The following RCC1 variants were observed in gnomAD, a reference collection of about 807,000 sequenced individuals.
The protein encoded by RCC1 is regulator of chromosome condensation.
RCC1 carries 11 observed loss-of-function variants against 44.4 expected under a neutral mutation model. That is an observed-to-expected ratio of 0.25 (90% CI 0.16 to 0.41). The LOEUF is 0.41. Ranked by LOEUF, RCC1 falls within the 10% of genes least tolerant of loss-of-function variation. The pLI is 1.00. For missense variants in RCC1, 386 were observed against 547.1 expected (o/e 0.71, Z 2.94); for synonymous variants, 213 against 216.5 (o/e 0.98, Z 0.14).
chr1:28,532,047 G>T, intron 6 of RCC1, 57 bp downstream of exon 6: 1 of 1,555,748 alleles, frequency 6.4e-7, no homozygotes, highest in South Asian at 1.2e-5. Context: ...GTGGCTTGGG[G>T]CAGGGCTTTT....
chr1:28,514,124 G>T (rs1189062059), intron 3 of RCC1, among the ~76,000 whole-genome samples: 1 of 151,096 alleles, frequency 6.6e-6, no homozygotes, highest in Non-Finnish European at 1.5e-5. Context: ...CTGAGATCGT[G>T]CCAGCCTAGG....
intron 4 of RCC1, chr1:28,526,984 G>A: frequency 3.5e-6 from 3 of 859,992 alleles, no homozygotes; most frequent in Non-Finnish European, 6.1e-6. Flanking sequence ...TTAGGTCTTT[G>A]AACTCTCCAT....
At chr1:28,509,410 T>G (rs1298250162) in intron 3 of RCC1, 1 of 158,650 alleles carries the variant, frequency 6.3e-6, no homozygotes, top group African/African-American at 2.4e-5. Context: ...CCTGGCTAAT[T>G]TTTGTATTTT....
At chr1:28,512,957 G>A (rs1412353750) in intron 3 of RCC1, among the ~76,000 whole-genome samples, 1 of 152,000 alleles carries the variant, frequency 6.6e-6, no homozygotes, top group Non-Finnish European at 1.5e-5. Flanking sequence ...ACCATGCCCT[G>A]CTAATTTTTT....
intron 4 of RCC1, among the ~76,000 whole-genome samples, chr1:28,520,760 A>G (rs1663217234): frequency 6.6e-6 from 1 of 152,166 alleles, no homozygotes; most frequent in African/African-American, 2.4e-5. Context: ...TTCCCAGCCC[A>G]GACACTCACT....
Position 28,536,250 on chromosome 1 carries a change from C to T in RCC1, c.818-12C>T. 6.2e-7 allele frequency: 1 copy of T among 1,613,318 alleles called. No individual in the cohort carries two copies. Among genetic ancestry groups the T allele is most frequent in the Non-Finnish European group, 8.5e-7 (1 of 1,179,550 alleles). On this transcript the variant is annotated splice_polypyrimidine_tract_variant and intron_variant, in intron 10 of 12. Coordinates refer to ENST00000683442, the MANE Select transcript of RCC1 (RefSeq NM_001381865.2). The surrounding 1 kb of genome is among the most constrained non-coding windows in gnomAD (Gnocchi z 4.9). The stretch of plus-strand genomic sequence containing the variant: ...ACACCTTCACCCCTGATGGCTCCGG[C>T]CTTTCCCCCAGGAACTCCGGGCACA...
chr1:28,533,168 C>T (rs1434778798), intron 7 of RCC1, among the ~76,000 whole-genome samples: 3 of 152,064 alleles, frequency 2.0e-5, no homozygotes, highest in Non-Finnish European at 4.4e-5. Flanking sequence ...GAATTTCAAA[C>T]ACATGAAAGT....
chr1:28,506,356 T>G (rs779097106), intron 1 of RCC1: 6 of 398,166 alleles, frequency 1.5e-5, no homozygotes, highest in South Asian at 1.1e-4. Flanking sequence ...GGCCAATTTT[T>G]GTATTCTTAG....
In RCC1 at chr1:28,536,203, A is replaced by G; in HGVS notation, c.818-59A>G. 1 of 1,594,072 alleles carries G rather than the reference A, an allele frequency of 6.3e-7. No homozygotes were observed. The highest frequency in any genetic ancestry group is 8.5e-7 in the Non-Finnish European group (1 of 1,170,476). ...GGAGGTGGCCTCACTGTGGGAGGAGATTGAGAAGGGCAGCTCTCAGAACAC... is the reference window on the plus strand; with the variant it reads ...GGAGGTGGCCTCACTGTGGGAGGAGGTTGAGAAGGGCAGCTCTCAGAACAC... On this transcript the variant is annotated intron_variant, in intron 10 of 12. Transcript: ENST00000683442. The surrounding 1 kb of genome is among the most constrained non-coding windows in gnomAD (Gnocchi z 4.9).
intron 4 of RCC1, among the ~76,000 whole-genome samples, chr1:28,521,896 TG>T (rs1201498407): frequency 6.6e-6 from 1 of 152,230 alleles, no homozygotes; most frequent in Non-Finnish European, 1.5e-5. Flanking sequence ...CAGATAGGCC[TG>T]GGTTGCTTTT....
chr1:28,510,843 C>T (rs1320234767), intron 3 of RCC1: 1 of 152,256 alleles, frequency 6.6e-6, no homozygotes, highest in Non-Finnish European at 1.5e-5. Context: ...CCATCCGTGT[C>T]CTGCTGTAAC....
At chr1:28,511,621 G>A (rs185824875) in intron 3 of RCC1, among the ~76,000 whole-genome samples, 78 of 150,674 alleles carry the variant, frequency 5.2e-4, no homozygotes, top group African/African-American at 1.8e-3. Context: ...CGCCCACCTC[G>A]GCCTCCCAAA....
chr1:28,532,616 A>C (rs888085138), intron 7 of RCC1: 7 of 519,676 alleles, frequency 1.3e-5, no homozygotes, highest in Admixed American at 1.3e-4. Flanking sequence ...AGGCTGATCC[A>C]GGAGGCCTGC....
chr1:28,512,024 G>T (rs1318018649), intron 3 of RCC1, among the ~76,000 whole-genome samples: 4 of 146,666 alleles, frequency 2.7e-5, no homozygotes, highest in African/African-American at 1.0e-4. Flanking sequence ...TCCCAGGCTG[G>T]AGTGCAGTGG....
rs866618707 is a variant in RCC1 at position 28,513,086 on chromosome 1, T to C, written c.-152-3639T>C. Among the ~76,000 whole-genome samples, 134 of 151,846 alleles carry C rather than the reference T, an allele frequency of 8.8e-4. 1 individual carries two copies. The Middle Eastern group carries it at 0.01, about 12-fold the overall frequency. On this transcript the variant is annotated intron_variant, in intron 3 of 12. Transcript: ENST00000683442. ...CCGCGCCCAGCCTCTTTTTTTTTTT[T>C]AGACAAGAGTCTCACTCTGTTGCCA...
chr1:28,537,428 C>G (rs1664622892), intron 12 of RCC1, among the ~76,000 whole-genome samples: 1 of 152,130 alleles, frequency 6.6e-6, no homozygotes, highest in Non-Finnish European at 1.5e-5. Context: ...GGTGCTTGAC[C>G]TGAGGTTATC....
chr1:28,538,183 A>G lies in RCC1; in HGVS notation c.*176A>G. The G allele has an allele frequency of 1.8e-6, 1 of 563,752 alleles. No individual in the cohort carries two copies. The highest frequency in any genetic ancestry group is 2.7e-5 in the South Asian group (1 of 36,890). The allele number at this position is 563,752 out of a possible 1,614,324, so 34.9% of individuals were successfully genotyped here. ...CCTCTTTTCCTTCCTCCTCTTTGGA[A>G]TTTTCCTGGGACCTACAGAATAAAG... On this transcript the variant is annotated 3_prime_UTR_variant, in exon 13 of 13. Coordinates refer to ENST00000683442, the MANE Select transcript of RCC1 (RefSeq NM_001381865.2).
chr1:28,521,404 G>A (rs1029829607), intron 4 of RCC1, among the ~76,000 whole-genome samples: 1 of 151,860 alleles, frequency 6.6e-6, no homozygotes, highest in Non-Finnish European at 1.5e-5. Context: ...GGGAGGCTGA[G>A]GCAGGAGAAT....
Position 28,516,750 on chromosome 1 carries a change from G to T in RCC1, c.-127G>T. 1 of 441,442 alleles carries T rather than the reference G, an allele frequency of 2.3e-6. No homozygotes were observed. Among genetic ancestry groups the T allele is most frequent in the Non-Finnish European group, 4.5e-6 (1 of 221,548 alleles). The allele number at this position is 441,442 out of a possible 1,614,324, so 27.3% of individuals were successfully genotyped here. ...CTACATGAATGTGTAAGATCTTGGA[G>T]GAAGACAGCAGAGAGAGAGAGAGAG... On this transcript the variant is annotated 5_prime_UTR_variant, in exon 4 of 13. In the 5' UTR this introduces an upstream ATG that the reference lacks. Transcript: ENST00000683442.
Sources: gnomAD v4.1 joint callset for allele counts (sites outside exome capture counted in the v4.1 genomes callset) on GRCh38, gnomAD v4.1.1 for gene constraint, Gnocchi (gnomAD v3.1) non-coding constraint, MANE v1.5 for transcripts, NCBI Gene and HGNC (gene_info 2026-07-23, HGNC 2026-07-21) for gene names.